The following DNAAF6 variants were observed in gnomAD, a reference collection of about 807,000 sequenced individuals.
DNAAF6 encodes the protein dynein axonemal assembly factor 6, also known as PIH1 domain containing 3.
DNAAF6 carries 3 observed loss-of-function variants against 13.7 expected under a neutral mutation model. The ratio of observed to expected loss-of-function variants is 0.22; its 90% confidence interval spans 0.10 to 0.56. The LOEUF is 0.56. DNAAF6 is among the 20% of genes least tolerant of loss of function. The pLI is 0.92. For synonymous variants in DNAAF6, 54 were observed against 49.2 expected (o/e 1.10, Z -0.41); for missense variants, 130 against 151.0 (o/e 0.86, Z 0.73).
chrX:107,219,635 C>A (rs1311205859), intron 4 of DNAAF6, among the ~76,000 whole-genome samples: 4 of 111,121 alleles, frequency 3.6e-5, no homozygotes, highest in Non-Finnish European at 7.5e-5. Flanking sequence ...ATAGACTAAG[C>A]TTTACATATG....
intron 6 of DNAAF6, among the ~76,000 whole-genome samples, chrX:107,241,738 TCAA>T (rs1379936445): frequency 8.9e-6 from 1 of 111,918 alleles, no homozygotes. Flanking sequence ...GTTCTACTGT[TCAA>T]CATTTTATTA....
chrX:107,227,566 G>T (rs73519020), intron 5 of DNAAF6, among the ~76,000 whole-genome samples: 2 of 109,629 alleles, frequency 1.8e-5, no homozygotes, highest in African/African-American at 6.6e-5. Flanking sequence ...CACAGGGAAG[G>T]ATATCTGATC....
intron 1 of DNAAF6, among the ~76,000 whole-genome samples, chrX:107,209,871 CA>C (rs1657965630): frequency 8.9e-6 from 1 of 112,148 alleles, no homozygotes; most frequent in African/African-American, 3.2e-5. Context: ...TAACTGATGT[CA>C]AAAGCCATCT....
In DNAAF6 at chrX:107,216,720, C is replaced by T. The variant is rs766867436; in HGVS notation, c.203C>T (p.Pro68Leu). ...IGAMGPGNIG[P>L]PQIEELKVIP... Reference sequence around the variant, plus strand: ...GCCATGGGTCCTGGGAATATTGGACCACCCCAAATAGAAGAGCTCAAAGGT... The same window carrying T: ...GCCATGGGTCCTGGGAATATTGGACTACCCCAAATAGAAGAGCTCAAAGGT... The change falls in exon 3 of 7, where the codon CCA becomes CTA. Residue 68 changes from proline to leucine, a missense_variant. Coordinates refer to ENST00000372453, the MANE Select transcript of DNAAF6 (RefSeq NM_173494.2). 1 of 1,196,146 alleles carries T rather than the reference C, an allele frequency of 8.4e-7. No individual in the cohort carries two copies. The highest frequency in any genetic ancestry group is 1.1e-6 in the Non-Finnish European group (1 of 883,892).
chrX:107,209,145 A>G (rs1173670615), intron 1 of DNAAF6, among the ~76,000 whole-genome samples: 1 of 111,673 alleles, frequency 9.0e-6, no homozygotes, highest in Non-Finnish European at 1.9e-5. Flanking sequence ...ATTAGTCAGT[A>G]TATTATAATT....
At chrX:107,237,838 G>A (rs185658122) in intron 5 of DNAAF6, among the ~76,000 whole-genome samples, 12 of 111,792 alleles carry the variant, frequency 1.1e-4, no homozygotes, top group South Asian at 3.7e-4. Context: ...AAAATTAGCC[G>A]GGCGTGGTGG....
rs1928665985 is a variant in DNAAF6, at chrX:107,243,495, T to C, written c.*197T>C. On this transcript the variant is annotated 3_prime_UTR_variant, in exon 7 of 7. Coordinates refer to ENST00000372453, the MANE Select transcript of DNAAF6 (RefSeq NM_173494.2). ...TAGGAAATATGTTTCCTTGGCCAGGTGCAATGGCTCATGCCTGTAATCCCA... is the reference window on the plus strand; with the variant it reads ...TAGGAAATATGTTTCCTTGGCCAGGCGCAATGGCTCATGCCTGTAATCCCA... 2.1e-6 allele frequency: 1 copy of C among 479,725 alleles called. No individual in the cohort carries two copies. Among genetic ancestry groups the C allele is most frequent in the Non-Finnish European group, 3.0e-6 (1 of 331,443 alleles). 39.5% of individuals were successfully genotyped at this position (479,725 alleles called of 1,213,427 possible).
chrX:107,218,980 T>C lies in DNAAF6; in HGVS notation c.332+11T>C. Reference sequence around the variant, plus strand: ...TAGAGAAATCCCAGAGTAAGTCAAATGAAGCCAGGAATGTCTTTAGGAGTT... The same window carrying C: ...TAGAGAAATCCCAGAGTAAGTCAAACGAAGCCAGGAATGTCTTTAGGAGTT... On this transcript the variant is annotated intron_variant, in intron 4 of 6. Transcript: ENST00000372453. 8.6e-7 allele frequency: 1 copy of C among 1,167,142 alleles called. No homozygotes were observed. Among genetic ancestry groups the C allele is most frequent in the Non-Finnish European group, 1.1e-6 (1 of 880,994 alleles).
At chrX:107,219,024 T>A in intron 4 of DNAAF6, 55 bp downstream of exon 4, 2 of 1,089,627 alleles carry the variant, frequency 1.8e-6, no homozygotes, top group Non-Finnish European at 2.4e-6. Context: ...CTGTGTCATC[T>A]GATAACATTT....
At chrX:107,228,899 G>A (rs1231133195) in intron 5 of DNAAF6, among the ~76,000 whole-genome samples, 1 of 110,673 alleles carries the variant, frequency 9.0e-6, no homozygotes, top group African/African-American at 3.3e-5. Context: ...GGCATTACAG[G>A]CATGGGCCCC....
intron 5 of DNAAF6, among the ~76,000 whole-genome samples, chrX:107,227,253 G>A (rs1928276145): frequency 1.8e-5 from 2 of 110,627 alleles, no homozygotes; most frequent in South Asian, 7.8e-4. Flanking sequence ...CACCAAGCCC[G>A]GCTAATTTTT....
chrX:107,233,160 A>G (rs937036928), intron 5 of DNAAF6, among the ~76,000 whole-genome samples: 1 of 112,099 alleles, frequency 8.9e-6, no homozygotes, highest in African/African-American at 3.2e-5. Flanking sequence ...GTGTCCCAGG[A>G]ATTAGTAAAC....
chrX:107,212,405 A>T (rs1384825181), intron 1 of DNAAF6, among the ~76,000 whole-genome samples: 1 of 111,295 alleles, frequency 9.0e-6, no homozygotes, highest in African/African-American at 3.3e-5. Flanking sequence ...TCTATAGGCC[A>T]GCGTCCTTCT....
chrX:107,213,493 C>A (rs1012619545), intron 2 of DNAAF6, among the ~76,000 whole-genome samples: 1 of 112,073 alleles, frequency 8.9e-6, no homozygotes, highest in African/African-American at 3.2e-5. Context: ...AATAATAGGG[C>A]AAACTAGTTT....
chrX:107,227,984 T>C (rs894689904), intron 5 of DNAAF6, among the ~76,000 whole-genome samples: 1 of 111,509 alleles, frequency 9.0e-6, no homozygotes, highest in Non-Finnish European at 1.9e-5. Flanking sequence ...TACATTTTGA[T>C]GATGTCATTT....
intron 6 of DNAAF6, among the ~76,000 whole-genome samples, chrX:107,241,083 A>G (rs773213569): frequency 4.5e-5 from 5 of 112,137 alleles, no homozygotes; most frequent in Admixed American, 9.5e-5. Context: ...AAACCTTAAA[A>G]AGGTTTTTAA....
At chrX:107,215,065 T>C (rs1426953132) in intron 2 of DNAAF6, among the ~76,000 whole-genome samples, 2 of 111,734 alleles carry the variant, frequency 1.8e-5, no homozygotes, top group African/African-American at 6.5e-5. Context: ...CAGTGATAAA[T>C]TGCTCAGATA....
At chrX:107,214,353 A>G (rs1927926798) in intron 2 of DNAAF6, among the ~76,000 whole-genome samples, 3 of 111,858 alleles carry the variant, frequency 2.7e-5, no homozygotes, top group Admixed American at 9.5e-5. Context: ...TATGCCATAT[A>G]GAAAAAGTAT....
chrX:107,234,413 G>GA (rs750989529), intron 5 of DNAAF6, among the ~76,000 whole-genome samples: 1 of 111,503 alleles, frequency 9.0e-6, no homozygotes, highest in African/African-American at 3.3e-5. Flanking sequence ...GGCTGCAGTG[G>GA]AAAAAAATAT....
Sources: gnomAD v4.1 joint callset for allele counts (sites outside exome capture counted in the v4.1 genomes callset) on GRCh38, gnomAD v4.1.1 for gene constraint, MANE v1.5 for transcripts, NCBI Gene and HGNC (gene_info 2026-07-23, HGNC 2026-07-21) for gene names.